Variants in GRIP1 observed in about 807,000 individuals in gnomAD.
The protein encoded by GRIP1 is glutamate receptor interacting protein 1.
A neutral mutation model predicts 129.9 loss-of-function variants in GRIP1; 45 were observed. The ratio of observed to expected loss-of-function variants is 0.35; its 90% CI spans 0.27 to 0.44. The LOEUF is 0.44. Ranked by LOEUF, GRIP1 falls within the 20% of genes least tolerant of loss-of-function variation. The pLI, the probability that GRIP1 is intolerant of heterozygous loss-of-function variation, is 1.00. For missense variants in GRIP1, 1,196 were observed against 1,396.8 expected (o/e 0.86, Z 2.29); for synonymous variants, 530 against 520.8 (o/e 1.02, Z -0.24).
intron 1 of GRIP1, among the ~76,000 whole-genome samples, chr12:66,921,786 C>G (rs928148169): frequency 6.6e-6 from 1 of 152,192 alleles, no homozygotes; most frequent in Non-Finnish European, 1.5e-5. Flanking sequence ...AGAATCAGTT[C>G]TATAGATCTA....
At chr12:66,835,332 TG>T (rs1007405272) in intron 1 of GRIP1, among the ~76,000 whole-genome samples, 2 of 152,186 alleles carry the variant, frequency 1.3e-5, no homozygotes, top group African/African-American at 4.8e-5. Flanking sequence ...GTCATTAGTA[TG>T]AAAAAAAGTT....
chr12:66,838,208 G>T (rs1461448300), intron 1 of GRIP1, among the ~76,000 whole-genome samples: 1 of 134,798 alleles, frequency 7.4e-6, no homozygotes, highest in East Asian at 2.6e-4. Context: ...AAAAAATCGA[G>T]CAGGAGAACC....
chr12:66,875,166 A>G (rs1425043137), intron 1 of GRIP1, among the ~76,000 whole-genome samples: 1 of 152,068 alleles, frequency 6.6e-6, no homozygotes, highest in East Asian at 1.9e-4. Context: ...TGTCTTGTTC[A>G]TTCATTATCT....
chr12:66,643,615 C>T (rs978596618), intron 1 of GRIP1, among the ~76,000 whole-genome samples: 4 of 152,072 alleles, frequency 2.6e-5, no homozygotes, highest in African/African-American at 9.7e-5. Flanking sequence ...CACAGTTTTG[C>T]TTTGTCACCC....
At chr12:66,539,619 T>C (rs1315230868) in intron 3 of GRIP1, among the ~76,000 whole-genome samples, 2 of 135,130 alleles carry the variant, frequency 1.5e-5, no homozygotes, top group East Asian at 5.0e-4. Context: ...ATCCAGATCC[T>C]AGACACAACA....
chr12:66,499,288 A>T (rs556103307), intron 7 of GRIP1, among the ~76,000 whole-genome samples: 19 of 152,326 alleles, frequency 1.2e-4, no homozygotes, highest in Non-Finnish European at 2.2e-4. Flanking sequence ...CTCAAAAAAC[A>T]AGAGGTAGCC....
At chr12:66,913,010 C>A (rs972048263) in intron 1 of GRIP1, among the ~76,000 whole-genome samples, 2 of 152,104 alleles carry the variant, frequency 1.3e-5, no homozygotes, top group African/African-American at 4.8e-5. Context: ...GCAAAATTAA[C>A]ACTCCATTAT....
intron 1 of GRIP1, among the ~76,000 whole-genome samples, chr12:66,866,752 A>G (rs569328097): frequency 6.6e-6 from 1 of 152,216 alleles, no homozygotes; most frequent in Admixed American, 6.5e-5. Context: ...CCTACTATAT[A>G]GCCACAAAAA....
At chr12:66,515,870 A>G (rs1021079746) in intron 6 of GRIP1, 106 bp from the exon 7 acceptor site, 2 of 864,634 alleles carry the variant, frequency 2.3e-6, no homozygotes, top group African/African-American at 1.7e-5. Flanking sequence ...TCTGCCATCC[A>G]TCTCATTTGC....
chr12:66,656,350 A>T (rs1261626850), intron 1 of GRIP1, among the ~76,000 whole-genome samples: 1 of 152,040 alleles, frequency 6.6e-6, no homozygotes. Context: ...TCCCATTTTA[A>T]AAAAAAACAG....
At chr12:66,882,319 G>A (rs2040493730) in intron 1 of GRIP1, among the ~76,000 whole-genome samples, 1 of 152,070 alleles carries the variant, frequency 6.6e-6, no homozygotes, top group Non-Finnish European at 1.5e-5. Flanking sequence ...TAGGAAGCTG[G>A]TAGATGGAAC....
chr12:66,535,468 G>A (rs979890289), intron 4 of GRIP1, among the ~76,000 whole-genome samples: 1 of 152,032 alleles, frequency 6.6e-6, no homozygotes, highest in Admixed American at 6.6e-5. Flanking sequence ...TAATGATCAT[G>A]TGATTATAAC....
At chr12:66,914,505 T>G (rs888297514) in intron 1 of GRIP1, among the ~76,000 whole-genome samples, 3 of 152,216 alleles carry the variant, frequency 2.0e-5, no homozygotes, top group African/African-American at 7.2e-5. Flanking sequence ...AGCACATCAG[T>G]AATGACTACA....
chr12:67,010,795 C>A (rs1029586824), intron 1 of GRIP1, among the ~76,000 whole-genome samples: 1 of 151,988 alleles, frequency 6.6e-6, no homozygotes, highest in African/African-American at 2.4e-5. Context: ...TAAAACCAGC[C>A]CTCCTTCCTG....
chr12:66,456,082 A>C (rs545310456), intron 10 of GRIP1, 105 bp downstream of exon 10: 1 of 636,214 alleles, frequency 1.6e-6, no homozygotes, highest in South Asian at 1.5e-5. Context: ...TGCTACTATA[A>C]GAAACAGAAA....
intron 2 of GRIP1, among the ~76,000 whole-genome samples, chr12:66,572,188 A>C (rs576602877): frequency 1.3e-5 from 2 of 152,320 alleles, no homozygotes; most frequent in South Asian, 4.1e-4. Context: ...TGAATCAAAC[A>C]GGTAAAAACC....
intron 1 of GRIP1, among the ~76,000 whole-genome samples, chr12:66,698,638 G>C (rs1474087596): frequency 1.3e-5 from 2 of 152,020 alleles, no homozygotes; most frequent in African/African-American, 4.8e-5. Context: ...TTGTTTGTTC[G>C]GTGAAGATAA....
intron 1 of GRIP1, among the ~76,000 whole-genome samples, chr12:66,988,285 AAAT>A (rs1353638621): frequency 5.9e-5 from 9 of 152,228 alleles, no homozygotes; most frequent in Admixed American, 1.3e-4. Context: ...TCTGTCTCAA[AAAT>A]AATAATAATA....
intron 1 of GRIP1, among the ~76,000 whole-genome samples, chr12:66,788,009 G>A (rs147616082): frequency 2.1e-4 from 32 of 152,018 alleles, no homozygotes; most frequent in South Asian, 1.2e-3. Context: ...CACTTTCTCC[G>A]GGTTCCAGGG....
Sources: gnomAD v4.1 joint callset for allele counts (sites outside exome capture counted in the v4.1 genomes callset) on GRCh38, gnomAD v4.1.1 for gene constraint, MANE v1.5 for transcripts, NCBI Gene and HGNC (gene_info 2026-07-23, HGNC 2026-07-21) for gene names.